Variants in ZPLD1 observed in about 807,000 individuals in gnomAD.
ZPLD1 encodes zona pellucida-like domain-containing protein 1.
A neutral mutation model predicts 47.2 loss-of-function variants in ZPLD1; 34 were observed. The observed-to-expected ratio is 0.72, with a 90% CI of 0.55 to 0.96. The LOEUF (loss-of-function observed/expected upper bound fraction) is 0.96, where lower values mean the gene tolerates loss of function less well. ZPLD1 is among the 40% of genes least tolerant of loss of function. The pLI is 0.00. For missense variants in ZPLD1, 512 were observed against 505.8 expected, an observed-to-expected ratio of 1.01 and a Z score of -0.12; for synonymous variants, 176 against 186.2, an observed-to-expected ratio of 0.95 and a Z score of 0.45.
At chr3:102,418,017 T>C (rs1706829596) in intron 7 of ZPLD1, 1 of 152,280 alleles carries the variant, frequency 6.6e-6, no homozygotes, top group African/African-American at 2.4e-5. Flanking sequence ...TGGAAGCATT[T>C]GCTTGTCTAA....
At chr3:102,421,900 C>T (rs992796287) in intron 8 of ZPLD1, among the ~76,000 whole-genome samples, 1 of 151,006 alleles carries the variant, frequency 6.6e-6, no homozygotes, top group East Asian at 1.9e-4. Context: ...ATTTCTAGAC[C>T]CCCAAGTCCC....
intron 7 of ZPLD1, among the ~76,000 whole-genome samples, chr3:102,416,352 T>C (rs1706804692): frequency 6.6e-6 from 1 of 151,990 alleles, no homozygotes; most frequent in African/African-American, 2.4e-5. Flanking sequence ...GCTCATTTTC[T>C]TATAGGACAG....
chr3:102,435,729 G>A (rs1369511365), intron 1 of ZPLD1, among the ~76,000 whole-genome samples: 2 of 145,920 alleles, frequency 1.4e-5, no homozygotes, highest in South Asian at 4.3e-4. Flanking sequence ...TGTAAGCTCC[G>A]CCTCCTGGGT....
chr3:102,442,100 T>C (rs1047978256), intron 3 of ZPLD1, among the ~76,000 whole-genome samples: 12 of 152,162 alleles, frequency 7.9e-5, no homozygotes, highest in African/African-American at 2.9e-4. Context: ...TCAAAAGGAT[T>C]AATACACACT....
intron 3 of ZPLD1, among the ~76,000 whole-genome samples, chr3:102,452,181 G>A (rs1368348322): frequency 6.7e-6 from 1 of 149,596 alleles, no homozygotes; most frequent in Non-Finnish European, 1.5e-5. Context: ...ACATGGACTA[G>A]ACCTCGTCAC....
chr3:102,441,160 T>C (rs1449584127), intron 3 of ZPLD1, among the ~76,000 whole-genome samples: 4 of 152,120 alleles, frequency 2.6e-5, no homozygotes, highest in African/African-American at 7.2e-5. Flanking sequence ...AATAAAATGA[T>C]TGCTCAACAG....
At chr3:102,475,745 G>C (rs902492460) in intron 10 of ZPLD1, among the ~76,000 whole-genome samples, 5 of 152,034 alleles carry the variant, frequency 3.3e-5, no homozygotes, top group Non-Finnish European at 5.9e-5. Flanking sequence ...AGAACCCTAT[G>C]AATGAGTGCT....
At chr3:102,393,379 T>TA (rs1559738551) in intron 7 of ZPLD1, among the ~76,000 whole-genome samples, 1 of 152,128 alleles carries the variant, frequency 6.6e-6, no homozygotes, top group East Asian at 1.9e-4. Flanking sequence ...AAACAGATTT[T>TA]AAAAAATCTT....
At chr3:102,477,274 A>G (rs1471559237) in intron 11 of ZPLD1, among the ~76,000 whole-genome samples, 169 bp from the exon 12 acceptor site, 1 of 152,128 alleles carries the variant, frequency 6.6e-6, no homozygotes, top group Non-Finnish European at 1.5e-5. Flanking sequence ...AAACCATACA[A>G]TCCTTTGGTA....
intron 8 of ZPLD1, 22 bp downstream of exon 8, chr3:102,464,273 A>C: frequency 6.7e-7 from 1 of 1,501,774 alleles, no homozygotes; most frequent in Non-Finnish European, 9.3e-7. Context: ...CTGTCTAAGT[A>C]TTATATTGAT....
chr3:102,431,136 G>A (rs1291398852), upstream of ZPLD1, among the ~76,000 whole-genome samples: 2 of 152,166 alleles, frequency 1.3e-5, no homozygotes, highest in Non-Finnish European at 2.9e-5. Flanking sequence ...TTTAAATGCT[G>A]TAGATTACTT....
At position 102,477,476 on chromosome 3, in the gene ZPLD1, C is replaced by T; in HGVS notation, c.1106C>T (p.Ala369Val). The change falls in exon 12 of 12, where the codon GCC becomes GTC. Residue 369 changes from alanine to valine, a missense_variant. Coordinates refer to ENST00000466937, the MANE Select transcript of ZPLD1 (RefSeq NM_001329788.2). Reference sequence around the variant, plus strand: ...AGTATGCCTCCCTTCCAGCTGAACGCCATCACCAGCGCACTGATATCAGGA... The same window carrying T: ...AGTATGCCTCCCTTCCAGCTGAACGTCATCACCAGCGCACTGATATCAGGA... Reference protein sequence around the residue: ...SPSMPPFQLNAITSALISGMV... With the variant: ...SPSMPPFQLNVITSALISGMV... 1.2e-6 allele frequency: 2 copies of T among 1,613,338 alleles called. No individual in the cohort carries two copies. Among genetic ancestry groups the T allele is most frequent in the Non-Finnish European group, 1.7e-6 (2 of 1,179,602 alleles).
intron 7 of ZPLD1, among the ~76,000 whole-genome samples, chr3:102,392,839 G>A (rs1706512678): frequency 6.6e-6 from 1 of 152,008 alleles, no homozygotes; most frequent in Non-Finnish European, 1.5e-5. Flanking sequence ...ACTTTTTATT[G>A]GGTACCTTCA....
At chr3:102,398,897 C>T (rs1706587791) in intron 7 of ZPLD1, among the ~76,000 whole-genome samples, 1 of 152,196 alleles carries the variant, frequency 6.6e-6, no homozygotes, top group African/African-American at 2.4e-5. Context: ...CACACACACA[C>T]ACACATATGC....
intron 6 of ZPLD1, among the ~76,000 whole-genome samples, chr3:102,389,663 G>A (rs752162733): frequency 6.6e-6 from 1 of 152,138 alleles, no homozygotes; most frequent in Non-Finnish European, 1.5e-5. Flanking sequence ...AAGTGATTTT[G>A]TATGGGTCTA....
In ZPLD1 at chr3:102,423,274, G is replaced by A. The variant is rs576992258; in HGVS notation, c.-9+5067G>A. Among the ~76,000 whole-genome samples the A allele has an allele frequency of 4.6e-5, 7 of 152,102 alleles. No individual in the cohort carries two copies. In the South Asian group the frequency reaches 1.5e-3, roughly 32 times the overall value. On this transcript the variant is annotated intron_variant, in intron 8 of 17. Transcript: ENST00000491959. ...CAGATTCCAGCTCTGGAGTCATGGT[G>A]AGGAAAAAGAAAATATGCTTACCAA... is the stretch of plus-strand genomic sequence containing the variant.
chr3:102,464,290 G>T (rs982985587), intron 8 of ZPLD1, 39 bp downstream of exon 8: 1 of 1,358,846 alleles, frequency 7.4e-7, no homozygotes, highest in South Asian at 1.2e-5. Flanking sequence ...TGATACCAAT[G>T]ACCCAGTTGT....
upstream of ZPLD1, among the ~76,000 whole-genome samples, chr3:102,430,245 G>T (rs1469597188): frequency 6.6e-6 from 1 of 152,180 alleles, no homozygotes; most frequent in Non-Finnish European, 1.5e-5. Flanking sequence ...AGTTCACCTT[G>T]CTCCAGCCTT....
At chr3:102,435,188 A>C (rs774733386) in intron 1 of ZPLD1, 34 bp downstream of exon 1, 1 of 1,611,588 alleles carries the variant, frequency 6.2e-7, no homozygotes, top group African/African-American at 1.3e-5. Flanking sequence ...GCAAGATAAT[A>C]GTTCATCAGT....
Sources: gnomAD v4.1 joint callset for allele counts (sites outside exome capture counted in the v4.1 genomes callset) on GRCh38, gnomAD v4.1.1 for gene constraint, MANE v1.5 for transcripts, NCBI Gene and HGNC (gene_info 2026-07-23, HGNC 2026-07-21) for gene names.